PCDHGA7: variants seen among roughly 807,000 people sequenced by gnomAD.
PCDHGA7 encodes the protein protocadherin gamma-A7.
In PCDHGA7, 44 loss-of-function variants were observed where a neutral mutation model predicts 58.3. That is an observed-to-expected ratio of 0.75 (90% CI 0.59 to 0.97). PCDHGA7 has a LOEUF of 0.97. Ranked by LOEUF, PCDHGA7 falls within the 50% of genes least tolerant of loss-of-function variation. The pLI is 0.00. For synonymous variants in PCDHGA7, 516 were observed against 504.2 expected (o/e 1.02, Z -0.31); for missense variants, 1,266 against 1,188.7 (o/e 1.06, Z -0.96).
In PCDHGA7 at chr5:141,388,651, A is replaced by G. The variant is rs186708822; in HGVS notation, c.2424+3328A>G. ...AGGGTGAGCCTTTCAGAAAACGTGT[A>G]CCCGGGGACCACGGTGCTACAGGTG... On this transcript the variant is annotated intron_variant, in intron 1 of 3. Transcript: ENST00000518325. 300 of 1,613,838 alleles carry G rather than the reference A, an allele frequency of 1.9e-4. 1 individual carries two copies. Among genetic ancestry groups the G allele is most frequent in the Admixed American group, 9.7e-4 (58 of 60,020 alleles).
intron 1 of PCDHGA7, chr5:141,394,160 T>G (rs749389529): frequency 1.7e-5 from 27 of 1,613,534 alleles, no homozygotes; most frequent in Non-Finnish European, 2.3e-5. Flanking sequence ...ACGACAACCC[T>G]CCTACTTTCC....
In PCDHGA7 at chr5:141,422,647, T is replaced by G. The variant is rs773990745; in HGVS notation, c.2424+37324T>G. 2.5e-6 allele frequency: 4 copies of G among 1,611,858 alleles called. No individual in the cohort carries two copies. In the South Asian group the frequency reaches 4.4e-5, roughly 18 times the overall value. On this transcript the variant is annotated intron_variant, in intron 1 of 3. Transcript: ENST00000518325. ...CAACCCCAGGGGTGCCTCCATCTTC[T>G]CAGTGACCGCCCTCGACCCGGACAG...
intron 1 of PCDHGA7, chr5:141,413,959 G>A: frequency 1.9e-6 from 3 of 1,613,372 alleles, no homozygotes; most frequent in Middle Eastern, 3.3e-4. Context: ...TTTGCCTGTG[G>A]GCACTCAGCT....
chr5:141,476,553 A>G lies in PCDHGA7; in HGVS notation c.2425-18254A>G. On this transcript the variant is annotated intron_variant, in intron 1 of 3. Coordinates refer to ENST00000518325, the MANE Select transcript of PCDHGA7 (RefSeq NM_018920.4). The surrounding 1 kb of genome is among the most constrained non-coding windows in gnomAD (Gnocchi z 7.6). ...CAGGAAATGAAATTGGAGATTAGCG[A>G]GGCCGTGGCTCCGGGGACGCGCTTT... The G allele has an allele frequency of 1.2e-6, 2 of 1,614,226 alleles. No homozygotes were observed. The highest frequency in any genetic ancestry group is 1.7e-6 in the Non-Finnish European group (2 of 1,180,040).
At chr5:141,429,091 T>A (rs985605582) in intron 1 of PCDHGA7, 2 of 152,160 alleles carry the variant, frequency 1.3e-5, no homozygotes, top group African/African-American at 4.8e-5. Flanking sequence ...CCTGACCTCG[T>A]GATCTGCCCG....
rs1340366910 is a variant in PCDHGA7 at position 141,490,965 on chromosome 5, C to T, written c.2425-3842C>T. The T allele has an allele frequency of 2.5e-6, 4 of 1,613,738 alleles. No homozygotes were observed. The highest frequency in any genetic ancestry group is 2.7e-5 in the African/African-American group (2 of 74,934). On this transcript the variant is annotated intron_variant, in intron 1 of 3. Transcript: ENST00000518325. This position sits in a 1 kb window ranked among gnomAD's most constrained non-coding sequence, Gnocchi z 5.4. Reference sequence around the variant, plus strand: ...CACGGCCAGACTGGGAACACTCAGCCCCCCAGCGTCTCCCTCGCTCTGCTC... The same window carrying T: ...CACGGCCAGACTGGGAACACTCAGCTCCCCAGCGTCTCCCTCGCTCTGCTC...
chr5:141,504,550 G>A (rs944574179), intron 2 of PCDHGA7, among the ~76,000 whole-genome samples: 2 of 151,586 alleles, frequency 1.3e-5, no homozygotes, highest in Non-Finnish European at 2.9e-5. Context: ...GCAAATGTTG[G>A]GGGACTGGCA....
In PCDHGA7 at chr5:141,395,765, C is replaced by T. The variant is rs143173330; in HGVS notation, c.2424+10442C>T. The T allele has an allele frequency of 7.5e-4, 114 of 152,628 alleles. No homozygotes were observed. The Middle Eastern group carries it at 0.03, about 41-fold the overall frequency. 9.5% of individuals were successfully genotyped at this position (152,628 alleles called of 1,614,324 possible). Reference sequence around the variant, plus strand: ...TCTTTTCTGAGCCCTGTTTCTGTACCAGTGCCCTTCAAAACTTTAATACTT... The same window carrying T: ...TCTTTTCTGAGCCCTGTTTCTGTACTAGTGCCCTTCAAAACTTTAATACTT... On this transcript the variant is annotated intron_variant, in intron 1 of 3. Coordinates refer to ENST00000518325, the MANE Select transcript of PCDHGA7 (RefSeq NM_018920.4).
At chr5:141,413,922 A>G (rs769177990) in intron 1 of PCDHGA7, 2 of 1,613,458 alleles carry the variant, frequency 1.2e-6, no homozygotes, top group Non-Finnish European at 1.7e-6. Context: ...TCACCTTGCC[A>G]GAATACCGAG....
intron 2 of PCDHGA7, among the ~76,000 whole-genome samples, chr5:141,501,290 T>TAC (rs55762287): frequency 0.12 from 16,682 of 135,960 alleles, 995 homozygotes; most frequent in African/African-American, 0.18. Flanking sequence ...TATTCCCTTA[T>TAC]ACACACACAC....
chr5:141,421,795 GC>G, intron 1 of PCDHGA7: 1 of 1,613,818 alleles, frequency 6.2e-7, no homozygotes, highest in East Asian at 2.2e-5. Context: ...AACGGATGGG[GC>G]CAAGAATCCA....
At chr5:141,415,767 T>TTTTTTTTTTTTTTTTTTTTTG (rs2095942916) in intron 1 of PCDHGA7, 1 of 1,300,668 alleles carries the variant, frequency 7.7e-7, no homozygotes, top group African/African-American at 1.8e-5. Flanking sequence ...TTTTTTTTTT[T>TTTTTTTTTTTTTTTTTTTTTG]TTTTTACTTT....
At chr5:141,452,472 A>C (rs995927368) in intron 1 of PCDHGA7, among the ~76,000 whole-genome samples, 6 of 152,170 alleles carry the variant, frequency 3.9e-5, no homozygotes, top group Non-Finnish European at 8.8e-5. Flanking sequence ...AGCTAGGAAA[A>C]ACACACATAA....
At chr5:141,428,081 C>G (rs768842388) in intron 1 of PCDHGA7, 3 of 1,609,218 alleles carry the variant, frequency 1.9e-6, no homozygotes, top group South Asian at 2.2e-5. Context: ...CGGGACACAA[C>G]GCTTGGCTGT....
intron 1 of PCDHGA7, among the ~76,000 whole-genome samples, chr5:141,492,964 C>CT (rs2099745347): frequency 6.6e-6 from 1 of 152,354 alleles, no homozygotes; most frequent in Non-Finnish European, 1.5e-5. Context: ...ATCTGACACT[C>CT]TAACAAGTCC....
chr5:141,458,698 T>C (rs1258294275), intron 1 of PCDHGA7, among the ~76,000 whole-genome samples: 1 of 152,054 alleles, frequency 6.6e-6, no homozygotes, highest in East Asian at 1.9e-4. Context: ...GCCTCCCGAG[T>C]AGCTGGGATT....
At chr5:141,414,498 C>T (rs2095755127) in intron 1 of PCDHGA7, 1 of 1,613,848 alleles carries the variant, frequency 6.2e-7, no homozygotes, top group African/African-American at 1.3e-5. Flanking sequence ...CGGAAGCTCA[C>T]TTTATGCTAC....
At chr5:141,460,989 A>G (rs199888312) in intron 1 of PCDHGA7, among the ~76,000 whole-genome samples, 3,445 of 98,242 alleles carry the variant, frequency 0.035, 55 homozygotes, top group African/African-American at 0.064. Context: ...GTGTGTATAT[A>G]TATATATGTG....
At position 141,490,645 on chromosome 5, in the gene PCDHGA7, C is replaced by G; in HGVS notation, c.2425-4162C>G. ...TGCTTACATCCTAGAAAACCGGCCTCCGGGCTCCCTTCTTTGCACTGTGGC... is the reference window on the plus strand; with the variant it reads ...TGCTTACATCCTAGAAAACCGGCCTGCGGGCTCCCTTCTTTGCACTGTGGC... On this transcript the variant is annotated intron_variant, in intron 1 of 3. Transcript: ENST00000518325. The surrounding 1 kb of genome is among the most constrained non-coding windows in gnomAD (Gnocchi z 5.4). 6.2e-7 allele frequency: 1 copy of G among 1,614,220 alleles called. No homozygotes were observed. Among genetic ancestry groups the G allele is most frequent in the Non-Finnish European group, 8.5e-7 (1 of 1,180,022 alleles).
Sources: gnomAD v4.1 joint callset for allele counts (sites outside exome capture counted in the v4.1 genomes callset) on GRCh38, gnomAD v4.1.1 for gene constraint, Gnocchi (gnomAD v3.1) non-coding constraint, MANE v1.5 for transcripts, NCBI Gene and HGNC (gene_info 2026-07-23, HGNC 2026-07-21) for gene names.